The following APOO variants were observed in gnomAD, a reference collection of about 807,000 sequenced individuals.
APOO encodes apolipoprotein O.
A neutral mutation model predicts 23.1 loss-of-function variants in APOO; 11 were observed. The observed-to-expected ratio is 0.48, with a 90% CI of 0.30 to 0.79. The LOEUF (loss-of-function observed/expected upper bound fraction) is 0.79, where lower values mean the gene tolerates loss of function less well. Ranked by LOEUF, APOO falls within the 30% of genes least tolerant of loss-of-function variation. The pLI is 0.07. For synonymous variants in APOO, 59 were observed against 54.8 expected (o/e 1.08, Z -0.34); for missense variants, 160 against 142.7 (o/e 1.12, Z -0.62).
At chrX:23,875,402 A>T (rs747787221) in intron 3 of APOO, among the ~76,000 whole-genome samples, 6 of 102,483 alleles carry the variant, frequency 5.9e-5, no homozygotes, top group South Asian at 1.1e-3. Flanking sequence ...TTTTTTTTTT[A>T]TTTTTATTTT....
chrX:23,839,121 G>A lies in APOO; in HGVS notation c.*29+1192C>T, dbSNP rs182770893. Among the ~76,000 whole-genome samples, 155 of 111,893 alleles carry A rather than the reference G, an allele frequency of 1.4e-3. 2 individuals are homozygous for A. The highest frequency in any genetic ancestry group is 0.014 in the Admixed American group (143 of 10,491). On this transcript the variant is annotated intron_variant, in intron 8 of 8. Coordinates refer to ENST00000379226, the MANE Select transcript of APOO (RefSeq NM_024122.5). The stretch of plus-strand genomic sequence containing the variant: ...CATTCACCAGAGATACTGATTCTGG[G>A]GTGCCCTTTGCCTTTTACCAAGCTC...
At chrX:23,893,261 CAA>C (rs749472447) in intron 1 of APOO, among the ~76,000 whole-genome samples, 1 of 74,114 alleles carries the variant, frequency 1.3e-5, no homozygotes, top group Non-Finnish European at 2.8e-5. Context: ...ACTAAAAATA[CAA>C]AAAAAAAAAA....
chrX:23,866,895 C>G (rs974862942), intron 5 of APOO, among the ~76,000 whole-genome samples: 20 of 109,871 alleles, frequency 1.8e-4, no homozygotes, highest in African/African-American at 6.6e-4. Context: ...AGGTCAGGAG[C>G]TGGAGACCAG....
At chrX:23,835,021 C>CT (rs1822735391) in intron 8 of APOO, among the ~76,000 whole-genome samples, 1 of 107,525 alleles carries the variant, frequency 9.3e-6, no homozygotes, top group Admixed American at 1.0e-4. Flanking sequence ...CCACGCCTGG[C>CT]TTTTTTTCAT....
intron 8 of APOO, among the ~76,000 whole-genome samples, chrX:23,836,196 C>T (rs371601185): frequency 3.5e-5 from 4 of 112,828 alleles, no homozygotes; most frequent in East Asian, 2.8e-4. Context: ...TGCAGTGGCA[C>T]GATCTTGGCT....
intron 5 of APOO, among the ~76,000 whole-genome samples, chrX:23,865,494 C>G (rs1475779993): frequency 9.1e-6 from 1 of 109,732 alleles, no homozygotes; most frequent in Non-Finnish European, 1.9e-5. Flanking sequence ...GTCCCAGCTA[C>G]TCGGGAGGCT....
intron 7 of APOO, among the ~76,000 whole-genome samples, chrX:23,841,599 C>T (rs1350717784): frequency 2.8e-5 from 3 of 109,060 alleles, no homozygotes; most frequent in Admixed American, 2.0e-4. Context: ...AACTGCTTGG[C>T]GGACCAATGA....
At chrX:23,868,559 G>A (rs1329113533) in intron 5 of APOO, 34 bp downstream of exon 5, 1 of 1,081,890 alleles carries the variant, frequency 9.2e-7, no homozygotes, top group Non-Finnish European at 1.3e-6. Flanking sequence ...TCTGCTTTAT[G>A]AGCTGACTGT....
At chrX:23,857,993 A>G (rs1359953574) in intron 6 of APOO, among the ~76,000 whole-genome samples, 1 of 111,505 alleles carries the variant, frequency 9.0e-6, no homozygotes, top group East Asian at 2.8e-4. Context: ...GAGAGTTTGC[A>G]TTTCTAACAA....
chrX:23,845,303 C>T lies in APOO; in HGVS notation c.562-4926G>A, dbSNP rs779634841. 8.9e-5 allele frequency among the ~76,000 whole-genome samples: 10 copies of T among 112,198 alleles called. No homozygotes were observed. In the South Asian group the frequency reaches 3.7e-3, roughly 41 times the overall value. On this transcript the variant is annotated intron_variant, in intron 7 of 8. Coordinates refer to ENST00000379226, the MANE Select transcript of APOO (RefSeq NM_024122.5). ...ACAGCAAAAAATTACAAAGCACAAA[C>T]TCATAACTTTATGGAAAACCCATCA...
intron 7 of APOO, among the ~76,000 whole-genome samples, chrX:23,844,156 C>A (rs1351418408): frequency 8.9e-6 from 1 of 112,038 alleles, no homozygotes; most frequent in African/African-American, 3.2e-5. Flanking sequence ...GCGCCAAGGG[C>A]CAAGCTCACA....
At chrX:23,852,462 A>C (rs1924585013) in intron 7 of APOO, among the ~76,000 whole-genome samples, 1 of 110,048 alleles carries the variant, frequency 9.1e-6, no homozygotes, top group South Asian at 3.9e-4. Context: ...TCTCTATTAA[A>C]AATTAGCCAG....
chrX:23,895,097 C>G (rs1336254459), intron 1 of APOO, among the ~76,000 whole-genome samples: 4 of 109,533 alleles, frequency 3.7e-5, no homozygotes, highest in Non-Finnish European at 5.7e-5. Context: ...CGAGATCGCA[C>G]CACTGCATTC....
chrX:23,871,537 C>T (rs1925623592), intron 4 of APOO, among the ~76,000 whole-genome samples: 1 of 111,099 alleles, frequency 9.0e-6, no homozygotes, highest in Non-Finnish European at 1.9e-5. Context: ...CATGCTGGGC[C>T]CAGTGTGCAA....
chrX:23,858,791 T>C, intron 5 of APOO, 58 bp from the exon 6 acceptor site: 1 of 1,050,423 alleles, frequency 9.5e-7, no homozygotes, highest in Non-Finnish European at 1.3e-6. Flanking sequence ...ACCATCACAA[T>C]TTACCTTATC....
At chrX:23,880,489 C>T (rs1317536087) in intron 2 of APOO, among the ~76,000 whole-genome samples, 1 of 110,980 alleles carries the variant, frequency 9.0e-6, no homozygotes, top group Non-Finnish European at 1.9e-5. Context: ...CACCTGAGGT[C>T]GGGAGTTCGA....
chrX:23,860,151 G>T (rs1435885716), intron 5 of APOO, among the ~76,000 whole-genome samples: 1 of 111,182 alleles, frequency 9.0e-6, no homozygotes, highest in Non-Finnish European at 1.9e-5. Flanking sequence ...TCTTGAGGAG[G>T]AGTGCAGCCT....
chrX:23,889,912 C>T (rs1181298962), intron 1 of APOO, among the ~76,000 whole-genome samples: 2 of 110,131 alleles, frequency 1.8e-5, no homozygotes, highest in African/African-American at 3.3e-5. Flanking sequence ...CCGCCCACCT[C>T]GGCCTCCCAA....
chrX:23,852,748 G>A (rs1050072844), intron 7 of APOO, among the ~76,000 whole-genome samples: 8 of 111,236 alleles, frequency 7.2e-5, no homozygotes, highest in African/African-American at 2.3e-4. Context: ...TCCCTTCAAT[G>A]AAGACAAGAT....
Sources: gnomAD v4.1 joint callset for allele counts (sites outside exome capture counted in the v4.1 genomes callset) on GRCh38, gnomAD v4.1.1 for gene constraint, MANE v1.5 for transcripts, NCBI Gene and HGNC (gene_info 2026-07-23, HGNC 2026-07-21) for gene names.